The following SLC38A1 variants were observed in gnomAD, a reference collection of about 807,000 sequenced individuals.
The protein encoded by SLC38A1 is solute carrier family 38 member 1.
SLC38A1 carries 18 observed loss-of-function variants against 60.3 expected under a neutral mutation model. That is an observed-to-expected ratio of 0.30 (90% confidence interval 0.21 to 0.44). SLC38A1 has a LOEUF of 0.44. SLC38A1 is among the 20% of genes least tolerant of loss of function. SLC38A1 has a pLI of 1.00. For synonymous variants in SLC38A1, 196 were observed against 212.1 expected (o/e 0.92, Z 0.66); for missense variants, 448 against 587.2 (o/e 0.76, Z 2.45).
intron 1 of SLC38A1, among the ~76,000 whole-genome samples, chr12:46,261,575 A>G (rs1457685247): frequency 1.3e-5 from 2 of 152,232 alleles, no homozygotes; most frequent in Non-Finnish European, 2.9e-5. Context: ...GGAAAACAAA[A>G]CAAAAATGGG....
rs965376764 is a variant in SLC38A1, at chr12:46,237,233, C to T, written c.122+2446G>A. 3.3e-5 allele frequency among the ~76,000 whole-genome samples: 5 copies of T among 152,172 alleles called. No individual in the cohort carries two copies. In the South Asian group the frequency reaches 6.2e-4, roughly 19 times the overall value. On this transcript the variant is annotated intron_variant, in intron 3 of 16. Transcript: ENST00000398637. ...TTTTCTTAGATTCATATAATTGGAC[C>T]TACCTTCCTCCCACAAATTTGAGAA...
At chr12:46,200,973 A>AT in intron 13 of SLC38A1, 125 bp downstream of exon 13, 1 of 697,082 alleles carries the variant, frequency 1.4e-6, no homozygotes, top group Non-Finnish European at 2.5e-6. Flanking sequence ...CGAAGAAAAA[A>AT]CTAGAAAAAC....
intron 5 of SLC38A1, among the ~76,000 whole-genome samples, chr12:46,222,982 CTGATTTTATAAGG>C (rs1197187626): frequency 6.6e-6 from 1 of 152,070 alleles, no homozygotes; most frequent in Non-Finnish European, 1.5e-5. Flanking sequence ...GGAACACTGG[CTGATTTTATAAGG>C]TGATTTTAAA....
intron 5 of SLC38A1, among the ~76,000 whole-genome samples, chr12:46,227,030 A>C (rs1940893612): frequency 6.6e-6 from 1 of 151,600 alleles, no homozygotes; most frequent in Non-Finnish European, 1.5e-5. Flanking sequence ...CTGGGAACTA[A>C]GAGATTTGAC....
At position 46,226,038 on chromosome 12, in the gene SLC38A1, C is replaced by G. The variant is rs550823762; in HGVS notation, c.314+3115G>C. Among the ~76,000 whole-genome samples the G allele has an allele frequency of 8.5e-5, 13 of 152,184 alleles. No individual in the cohort carries two copies. In the Middle Eastern group the frequency reaches 0.01, roughly 119 times the overall value. Reference sequence around the variant, plus strand: ...GTTTAAAAACATAACATAATCAAAGCAATTTAAATACTGATTGTATATTTG... The same window carrying G: ...GTTTAAAAACATAACATAATCAAAGGAATTTAAATACTGATTGTATATTTG... On this transcript the variant is annotated intron_variant, in intron 5 of 16. Transcript: ENST00000398637.
At chr12:46,203,503 T>A (rs1049738207) in intron 11 of SLC38A1, among the ~76,000 whole-genome samples, 3 of 152,200 alleles carry the variant, frequency 2.0e-5, no homozygotes, top group African/African-American at 7.2e-5. Context: ...CTCCCACCTC[T>A]AGTTTACTGC....
Position 46,186,001 on chromosome 12 carries a change from T to A in SLC38A1, c.*2969A>T, listed in dbSNP as rs915684999. 6.6e-6 allele frequency: 1 copy of A among 152,190 alleles called. No individual in the cohort carries two copies. The highest frequency in any genetic ancestry group is 1.5e-5 in the Non-Finnish European group (1 of 68,044). The allele number at this position is 152,190 out of a possible 1,614,324, so 9.4% of individuals were successfully genotyped here. ...TGGAAACAATATTATATTTGATGGT[T>A]AGATTCTTTAGCAAACCTATTACAT... On this transcript the variant is annotated 3_prime_UTR_variant, in exon 17 of 17. Coordinates refer to ENST00000398637, the MANE Select transcript of SLC38A1 (RefSeq NM_030674.4).
intron 1 of SLC38A1, among the ~76,000 whole-genome samples, chr12:46,243,588 C>T (rs1476723289): frequency 1.3e-5 from 2 of 152,108 alleles, no homozygotes; most frequent in Non-Finnish European, 2.9e-5. Context: ...GCTGAGACTT[C>T]ACAGTGGAGG....
chr12:46,198,678 G>A lies in SLC38A1; in HGVS notation c.1069C>T (p.Arg357Trp), dbSNP rs200382545. The A allele has an allele frequency of 1.9e-5, 31 of 1,613,384 alleles. No individual in the cohort carries two copies. The highest frequency in any genetic ancestry group is 2.5e-5 in the Non-Finnish European group (29 of 1,179,640). ...ATCACAGCAACAATGACAGCCAGCC[G>A]CACTGTCAGGATGAGAATGTCATCT... ...SKDDILILTVRLAVIVAVILT... is the reference protein window; with the variant it reads ...SKDDILILTVWLAVIVAVILT... The change falls in exon 14 of 17, where the codon CGG becomes TGG. Residue 357 changes from arginine (R) to tryptophan (W), a missense_variant. By Grantham distance (101) the Arg-to-Trp change is moderately radical. Coordinates refer to ENST00000398637, the MANE Select transcript of SLC38A1 (RefSeq NM_030674.4).
At position 46,252,563 on chromosome 12, in the gene SLC38A1, T is replaced by A. The variant is rs567974971; in HGVS notation, c.-208-9249A>T. On this transcript the variant is annotated intron_variant, in intron 1 of 16. Coordinates refer to ENST00000398637, the MANE Select transcript of SLC38A1 (RefSeq NM_030674.4). ...TGCTAATTAATTTATTTAAAAATAA[T>A]TACATGAATGAATTAATTAATATAG... 1.6e-3 allele frequency among the ~76,000 whole-genome samples: 242 copies of A among 151,842 alleles called. 1 individual carries two copies. Among genetic ancestry groups the A allele is most frequent in the African/African-American group, 5.4e-3 (223 of 41,458 alleles).
At chr12:46,195,261 A>G (rs1269665389) in intron 16 of SLC38A1, among the ~76,000 whole-genome samples, 1 of 152,234 alleles carries the variant, frequency 6.6e-6, no homozygotes, top group African/African-American at 2.4e-5. Flanking sequence ...GGGTATCACC[A>G]GCAAAGGCTG....
intron 5 of SLC38A1, among the ~76,000 whole-genome samples, chr12:46,219,201 G>A (rs894306829): frequency 8.5e-5 from 13 of 152,136 alleles, no homozygotes; most frequent in African/African-American, 2.7e-4. Context: ...AAGTTAGTTC[G>A]GCCTATGCCC....
chr12:46,207,016 T>C (rs1290800175), intron 8 of SLC38A1, 139 bp downstream of exon 8: 1 of 620,724 alleles, frequency 1.6e-6, no homozygotes, highest in Non-Finnish European at 2.8e-6. Flanking sequence ...CCCAAAGAAA[T>C]TTATTGTTGA....
At chr12:46,196,348 CTCCCAG>C in intron 16 of SLC38A1, 1 of 1,520,438 alleles carries the variant, frequency 6.6e-7, no homozygotes, top group Non-Finnish European at 8.8e-7. Context: ...TCCAGTCTAA[CTCCCAG>C]TGGTCCTTAC....
intron 3 of SLC38A1, among the ~76,000 whole-genome samples, chr12:46,234,016 T>G (rs1045561863): frequency 6.6e-6 from 1 of 152,222 alleles, no homozygotes; most frequent in East Asian, 1.9e-4. Flanking sequence ...AAGATGGCAG[T>G]AGGAATTCAC....
intron 1 of SLC38A1, among the ~76,000 whole-genome samples, chr12:46,259,682 CAG>C (rs1320665154): frequency 6.6e-6 from 1 of 152,120 alleles, no homozygotes; most frequent in African/African-American, 2.4e-5. Flanking sequence ...TAAGTGGTCT[CAG>C]AAAAATAAGT....
At chr12:46,215,013 G>T in intron 5 of SLC38A1, among the ~76,000 whole-genome samples, 1 of 152,316 alleles carries the variant, frequency 6.6e-6, no homozygotes, top group Non-Finnish European at 1.5e-5. Flanking sequence ...ACTTTAACGT[G>T]TGTGCAAATT....
intron 2 of SLC38A1, among the ~76,000 whole-genome samples, chr12:46,242,457 A>ATT (rs1379009761): frequency 6.6e-6 from 1 of 151,600 alleles, no homozygotes; most frequent in Non-Finnish European, 1.5e-5. Flanking sequence ...GGACCTTGAA[A>ATT]TTTTTTTTTC....
At chr12:46,232,838 T>C (rs917515902) in intron 3 of SLC38A1, among the ~76,000 whole-genome samples, 2 of 152,240 alleles carry the variant, frequency 1.3e-5, no homozygotes, top group Non-Finnish European at 2.9e-5. Context: ...CTACTTATAA[T>C]ACCTAATACA....
Sources: gnomAD v4.1 joint callset for allele counts (sites outside exome capture counted in the v4.1 genomes callset) on GRCh38, gnomAD v4.1.1 for gene constraint, MANE v1.5 for transcripts, NCBI Gene and HGNC (gene_info 2026-07-23, HGNC 2026-07-21) for gene names.